TRPM6: variants seen among roughly 807,000 people sequenced by gnomAD.
The protein encoded by TRPM6 is channel kinase 2.
A neutral mutation model predicts 247.6 loss-of-function variants in TRPM6; 111 were observed. The ratio of observed to expected loss-of-function variants is 0.45; its 90% CI spans 0.38 to 0.52. The LOEUF is 0.52. Ranked by LOEUF, TRPM6 falls within the 20% of genes least tolerant of loss-of-function variation. The pLI is 0.00. For synonymous variants in TRPM6, 892 were observed against 853.8 expected (o/e 1.04, Z -0.78); for missense variants, 2,126 against 2,421.5 (o/e 0.88, Z 2.56).
At chr9:74,885,322 C>T (rs1012106549) in intron 1 of TRPM6, among the ~76,000 whole-genome samples, 37 of 152,272 alleles carry the variant, frequency 2.4e-4, no homozygotes, top group African/African-American at 8.2e-4. Context: ...TAAATCCACA[C>T]ATTTCTTGCA....
chr9:74,760,266 G>A (rs1230452492), intron 27 of TRPM6, among the ~76,000 whole-genome samples: 1 of 152,120 alleles, frequency 6.6e-6, no homozygotes, highest in African/African-American at 2.4e-5. Context: ...CCCTATATAG[G>A]TGTACCAATT....
At chr9:74,862,061 C>G (rs1457493508) in intron 1 of TRPM6, among the ~76,000 whole-genome samples, 4 of 140,546 alleles carry the variant, frequency 2.8e-5, no homozygotes, top group African/African-American at 1.1e-4. Context: ...AAACTTTCCT[C>G]CTTCAACTCC....
intron 27 of TRPM6, among the ~76,000 whole-genome samples, chr9:74,760,271 C>T (rs1826579204): frequency 6.6e-6 from 1 of 152,140 alleles, no homozygotes; most frequent in Admixed American, 6.5e-5. Context: ...TATAGGTGTA[C>T]CAATTTTTAT....
chr9:74,864,988 G>A (rs1048441420), intron 1 of TRPM6, among the ~76,000 whole-genome samples: 17 of 151,426 alleles, frequency 1.1e-4, no homozygotes, highest in Admixed American at 9.2e-4. Flanking sequence ...CAAGAGAATC[G>A]CTTGAACCCA....
intron 33 of TRPM6, 150 bp downstream of exon 33, chr9:74,742,411 T>A (rs1031986122): frequency 2.9e-5 from 22 of 755,326 alleles, no homozygotes; most frequent in Non-Finnish European, 4.8e-5. Flanking sequence ...TTAACAAGAA[T>A]TTCCATTTTA....
intron 3 of TRPM6, among the ~76,000 whole-genome samples, chr9:74,844,165 G>T (rs1830034028): frequency 6.6e-6 from 1 of 152,080 alleles, no homozygotes; most frequent in Non-Finnish European, 1.5e-5. Context: ...GGTAAATGAG[G>T]GCTGGCTTTA....
intron 23 of TRPM6, among the ~76,000 whole-genome samples, chr9:74,781,373 T>C (rs765887675): frequency 2.8e-4 from 43 of 151,248 alleles, no homozygotes; most frequent in Non-Finnish European, 6.2e-4. Flanking sequence ...CCGTCTCTAC[T>C]AAAAATACAA....
chr9:74,771,796 T>A lies in TRPM6; in HGVS notation c.3443A>T (p.Asp1148Val). 6.2e-7 allele frequency: 1 copy of A among 1,613,906 alleles called. No individual in the cohort carries two copies. Among genetic ancestry groups the A allele is most frequent in the Non-Finnish European group, 8.5e-7 (1 of 1,179,880 alleles). Residue 1148 changes from aspartate to valine, a missense_variant, in exon 25 of 39, where the codon GAT becomes GTT. Around this residue, in one of 3 missense-constraint regions of TRPM6, gnomAD observed 717 missense variants for 715.9 expected, o/e 1.00. Transcript: ENST00000360774. ...TTTTTCCACGCACTGCTCCTCAAAA[T>A]CATGAAGTTTTTTCAGATCCTCCTT... ...LSKEDLKKLH[D>V]FEEQCVEKYF... is the part of the protein sequence containing the mutation.
At position 74,724,448 on chromosome 9, in the gene TRPM6, C is replaced by T; in HGVS notation, c.*165G>A. 1.0e-6 allele frequency: 1 copy of T among 954,138 alleles called. No individual in the cohort carries two copies. Among genetic ancestry groups the T allele is most frequent in the Non-Finnish European group, 1.6e-6 (1 of 613,830 alleles). The allele number at this position is 954,138 out of a possible 1,614,324, so 59.1% of individuals were successfully genotyped here. A position where few individuals can be genotyped will look rare whatever the true frequency, so the allele number is the denominator to read the frequency against. ...ACAGAGGTCAGTGTCTAGGAGAACC[C>T]ATTGATCATATACCAATGAGGCCTT... On this transcript the variant is annotated 3_prime_UTR_variant, in exon 39 of 39. Coordinates refer to ENST00000360774, the MANE Select transcript of TRPM6 (RefSeq NM_017662.5).
chr9:74,792,504 C>CT (rs1342524253), intron 19 of TRPM6, 120 bp downstream of exon 19: 72 of 1,165,844 alleles, frequency 6.2e-5, no homozygotes, highest in Middle Eastern at 1.9e-4. Flanking sequence ...CATGCCCTCA[C>CT]TTTTTTTTAA....
At chr9:74,735,552 G>C (rs555754417) in intron 36 of TRPM6, among the ~76,000 whole-genome samples, 1 of 151,898 alleles carries the variant, frequency 6.6e-6, no homozygotes, top group African/African-American at 2.4e-5. Context: ...CTGCTTTGTT[G>C]AATAAAAAAA....
intron 16 of TRPM6, 79 bp from the exon 17 acceptor site, chr9:74,800,561 A>G (rs1828289799): frequency 2.0e-6 from 2 of 988,510 alleles, no homozygotes; most frequent in Admixed American, 3.8e-5. Context: ...GAACATTTAG[A>G]AACATTGTAA....
chr9:74,810,843 A>G lies in TRPM6; in HGVS notation c.1469T>C (p.Leu490Ser). The change falls in exon 13 of 39, where the codon TTG becomes TCG. Residue 490 changes from leucine (L) to serine (S), a missense_variant. Physicochemically the swap from Leu to Ser is moderately radical, Grantham distance 145 (BLOSUM62 -2). Coordinates refer to ENST00000360774, the MANE Select transcript of TRPM6 (RefSeq NM_017662.5). ...NTKQGPTNTLLHHLVQDVKQH... is the reference protein window; with the variant it reads ...NTKQGPTNTLSHHLVQDVKQH... ...TTTCACATCTTGGACGAGATGATGC[A>G]AGAGTGTATTAGTAGGTCCTTGTTT... The G allele has an allele frequency of 6.2e-7, 1 of 1,613,872 alleles. No individual in the cohort carries two copies. Among genetic ancestry groups the G allele is most frequent in the Non-Finnish European group, 8.5e-7 (1 of 1,179,826 alleles).
intron 14 of TRPM6, among the ~76,000 whole-genome samples, chr9:74,805,955 G>A (rs1828512265): frequency 2.0e-5 from 3 of 152,212 alleles, no homozygotes; most frequent in Non-Finnish European, 4.4e-5. Context: ...ATGTTGATTG[G>A]ATATTTCATT....
intron 27 of TRPM6, 121 bp downstream of exon 27, chr9:74,761,575 A>G: frequency 1.4e-6 from 1 of 731,042 alleles, no homozygotes; most frequent in Non-Finnish European, 2.5e-6. Flanking sequence ...TTATATCTTC[A>G]ATCCTTTCAA....
chr9:74,783,036 T>C (rs1827519123), intron 21 of TRPM6, among the ~76,000 whole-genome samples, 183 bp from the exon 22 acceptor site: 1 of 152,214 alleles, frequency 6.6e-6, no homozygotes, highest in Non-Finnish European at 1.5e-5. Context: ...TCACACAGTA[T>C]GCATTTCAAG....
intron 13 of TRPM6, among the ~76,000 whole-genome samples, chr9:74,808,849 C>A (rs1345225220): frequency 6.6e-6 from 1 of 152,198 alleles, no homozygotes; most frequent in Non-Finnish European, 1.5e-5. Flanking sequence ...CCACGTTCTT[C>A]CTTGAATTGA....
chr9:74,777,905 T>C (rs1827281643), intron 23 of TRPM6, among the ~76,000 whole-genome samples: 1 of 152,248 alleles, frequency 6.6e-6, no homozygotes. Flanking sequence ...TCAGTAGTTA[T>C]GTATCCTGTT....
Position 74,840,216 on chromosome 9 carries a change from T to C in TRPM6, c.352A>G (p.Thr118Ala), listed in dbSNP as rs748357625. ...HAKYIRTSYD[T>A]KLDHLLHLML... ...AAATGTAACAGATGATCCAGTTTTG[T>C]ATCATAAGAAGTTCTAATATACTGC... Residue 118 changes from threonine to alanine, a missense_variant, in exon 5 of 39, where the codon ACA (threonine) becomes GCA (alanine). By Grantham distance (58) the Thr-to-Ala change is moderately conservative. Coordinates refer to ENST00000360774, the MANE Select transcript of TRPM6 (RefSeq NM_017662.5). The C allele has an allele frequency of 2.5e-6, 4 of 1,613,238 alleles. No homozygotes were observed. In the South Asian group the frequency reaches 4.4e-5, roughly 18 times the overall value.
Sources: allele counts gnomAD v4.1 joint callset (sites outside exome capture counted in the v4.1 genomes callset), GRCh38; gene constraint gnomAD v4.1.1; regional missense constraint gnomAD v4.1.1; transcripts MANE v1.5; gene names NCBI Gene and HGNC (gene_info 2026-07-23, HGNC 2026-07-21).